Variants in BCR observed in about 807,000 individuals in gnomAD.
BCR encodes the protein BCR activator of RhoGEF and GTPase.
A neutral mutation model predicts 138.6 loss-of-function variants in BCR; 58 were observed. The observed-to-expected ratio is 0.42, with a 90% CI of 0.34 to 0.52. BCR has a LOEUF of 0.52. Ranked by LOEUF, BCR falls within the 20% of genes least tolerant of loss-of-function variation. BCR has a pLI of 0.06. For missense variants in BCR, 1,599 were observed against 1,727.2 expected (o/e 0.93, Z 1.32); for synonymous variants, 786 against 730.1 (o/e 1.08, Z -1.23).
At position 23,181,638 on chromosome 22, in the gene BCR, A is replaced by T. The variant is rs762780708; in HGVS notation, c.678A>T (p.Ala226=). Residue 226 remains alanine (A), a synonymous_variant, in exon 1 of 23, where the codon GCA becomes GCT. Coordinates refer to ENST00000305877, the MANE Select transcript of BCR (RefSeq NM_004327.4). ...QHGAGSSVGD[A]SRPPYRGRSS... is the part of the protein sequence containing the mutation. ...GCGCGGGCTCGAGCGTGGGGGATGC[A>T]TCCAGGCCCCCTTACCGGGGACGCT... 4 of 1,610,350 alleles carry T rather than the reference A, an allele frequency of 2.5e-6. No homozygotes were observed. In the African/African-American group the frequency reaches 5.3e-5, roughly 21 times the overall value.
chr22:23,270,233 G>T (rs997599539), intron 5 of BCR, among the ~76,000 whole-genome samples: 1 of 152,104 alleles, frequency 6.6e-6, no homozygotes, highest in South Asian at 2.1e-4. Flanking sequence ...GTCTTCTCCT[G>T]GGACAGTCCT....
At chr22:23,280,934 A>G (rs1487859499) in intron 8 of BCR, among the ~76,000 whole-genome samples, 1 of 152,196 alleles carries the variant, frequency 6.6e-6, no homozygotes, top group Non-Finnish European at 1.5e-5. Flanking sequence ...CACAGGCCTG[A>G]CACGCACAGG....
Position 23,284,179 on chromosome 22 carries a change from G to A in BCR, c.2237+81G>A, listed in dbSNP as rs141619469. ...CATGGAGGGTCTTGTCATGGCGGAG[G>A]TCAGTGGTGATGTAGCTCGTTACAT... is the stretch of plus-strand genomic sequence containing the variant. On this transcript the variant is annotated intron_variant, in intron 9 of 22. Transcript: ENST00000305877. The A allele has an allele frequency of 4.2e-5, 65 of 1,566,154 alleles. No individual in the cohort carries two copies. In the African/African-American group the frequency reaches 7.4e-4, roughly 18 times the overall value.
chr22:23,222,193 CT>C (rs1174006896), intron 1 of BCR, among the ~76,000 whole-genome samples: 1 of 152,214 alleles, frequency 6.6e-6, no homozygotes, highest in Non-Finnish European at 1.5e-5. Flanking sequence ...TCACTATGTG[CT>C]TTGTTCACTT....
intron 4 of BCR, chr22:23,263,263 T>G: frequency 9.2e-7 from 1 of 1,090,782 alleles, no homozygotes; most frequent in South Asian, 1.4e-5. Flanking sequence ...TACCTCGACA[T>G]GCGGGCCCTC....
chr22:23,217,003 T>C (rs1297512712), intron 1 of BCR: 1 of 448,550 alleles, frequency 2.2e-6, no homozygotes, highest in Non-Finnish European at 4.5e-6. Flanking sequence ...AGCTGGACTC[T>C]ACCTCTTGAT....
chr22:23,283,733 A>G, intron 8 of BCR: 1 of 481,076 alleles, frequency 2.1e-6, no homozygotes, highest in Non-Finnish European at 3.6e-6. Flanking sequence ...GGCTGAACAC[A>G]CAGGAGGGAT....
rs548624126 is a variant in BCR, at chr22:23,305,399, C to G, written c.3013-4025C>G. Among the ~76,000 whole-genome samples, 6 of 152,336 alleles carry G rather than the reference C, an allele frequency of 3.9e-5. 1 individual carries two copies. Among genetic ancestry groups the G allele is most frequent in the African/African-American group, 1.4e-4 (6 of 41,582 alleles). On this transcript the variant is annotated intron_variant, in intron 16 of 22. Coordinates refer to ENST00000305877, the MANE Select transcript of BCR (RefSeq NM_004327.4). ...AGCATTTCCTCCTTTGGAAGGTTTACTCATAGCCCCCTCCCTGCCCCTGCT... is the reference window on the plus strand; with the variant it reads ...AGCATTTCCTCCTTTGGAAGGTTTAGTCATAGCCCCCTCCCTGCCCCTGCT...
rs1203286028 is a variant in BCR, at chr22:23,182,119, C to G, written c.1159C>G (p.Gln387Glu). The G allele has an allele frequency of 6.2e-7, 1 of 1,612,190 alleles. No homozygotes were observed. Among genetic ancestry groups the G allele is most frequent in the Non-Finnish European group, 8.5e-7 (1 of 1,180,000 alleles). Residue 387 changes from glutamine to glutamate, a missense_variant, in exon 1 of 23, where the codon CAG (glutamine) becomes GAG (glutamate). Gln to Glu is a conservative substitution (Grantham distance 29). Coordinates refer to ENST00000305877, the MANE Select transcript of BCR (RefSeq NM_004327.4). ...SFDSSSPPTP[Q>E]CHKRHRHCPV... ...CGACAGCAGCAGTCCCCCCACGCCG[C>G]AGTGCCATAAGCGGCACCGGCACTG...
chr22:23,195,557 C>T (rs2072469157), intron 1 of BCR, among the ~76,000 whole-genome samples: 1 of 151,828 alleles, frequency 6.6e-6, no homozygotes, highest in African/African-American at 2.4e-5. Context: ...CTTGCCACTG[C>T]ACTCCAGCCT....
At chr22:23,256,534 A>AAG (rs777597005) in intron 2 of BCR, among the ~76,000 whole-genome samples, 16 of 152,110 alleles carry the variant, frequency 1.1e-4, no homozygotes, top group Non-Finnish European at 2.2e-4. Flanking sequence ...GCCGCAGGAC[A>AAG]ATGTCCAGTC....
chr22:23,241,173 C>T (rs923093534), intron 1 of BCR, among the ~76,000 whole-genome samples: 1 of 152,232 alleles, frequency 6.6e-6, no homozygotes, highest in Non-Finnish European at 1.5e-5. Flanking sequence ...TAACCTGCCC[C>T]AGGCATCCTT....
chr22:23,263,709 CTGGGCTCA>C (rs1293632838), intron 4 of BCR: 7 of 1,395,492 alleles, frequency 5.0e-6, no homozygotes, highest in Middle Eastern at 3.5e-4. Flanking sequence ...CTGCCAAGTA[CTGGGCTCA>C]TGAACAGGAG....
intron 16 of BCR, among the ~76,000 whole-genome samples, chr22:23,308,309 T>C (rs1298764744): frequency 1.3e-5 from 2 of 151,650 alleles, no homozygotes; most frequent in Non-Finnish European, 1.5e-5. Context: ...TTTTTTTGTT[T>C]TTGCTTTTAT....
At chr22:23,286,628 A>G (rs576292561) in intron 10 of BCR, among the ~76,000 whole-genome samples, 2 of 152,302 alleles carry the variant, frequency 1.3e-5, no homozygotes, top group African/African-American at 4.8e-5. Flanking sequence ...CAGGCAGCAC[A>G]GTTTTCTCCT....
intron 10 of BCR, 122 bp downstream of exon 10, chr22:23,285,323 C>T (rs2073699793): frequency 3.7e-6 from 4 of 1,079,868 alleles, no homozygotes; most frequent in Admixed American, 2.8e-5. Flanking sequence ...TCTGGGACCC[C>T]TGTAAGCTCT....
intron 1 of BCR, among the ~76,000 whole-genome samples, chr22:23,245,364 C>G (rs2073144375): frequency 2.0e-5 from 3 of 152,146 alleles, no homozygotes; most frequent in African/African-American, 4.8e-5. Flanking sequence ...CCTGACCTCT[C>G]TCTACCCGGG....
intron 1 of BCR, among the ~76,000 whole-genome samples, chr22:23,208,780 G>T (rs890809442): frequency 6.6e-6 from 1 of 151,914 alleles, no homozygotes; most frequent in East Asian, 2.0e-4. Flanking sequence ...GCTTGAACCC[G>T]GGAGGCGGAG....
chr22:23,262,968 A>G (rs2073384781), intron 4 of BCR: 2 of 978,524 alleles, frequency 2.0e-6, no homozygotes, highest in African/African-American at 1.7e-5. Context: ...GAGAGGCATC[A>G]TCAAAGGAGA....
Sources: gnomAD v4.1 joint callset for allele counts (sites outside exome capture counted in the v4.1 genomes callset) on GRCh38, gnomAD v4.1.1 for gene constraint, MANE v1.5 for transcripts, NCBI Gene and HGNC (gene_info 2026-07-23, HGNC 2026-07-21) for gene names.